The following LARGE1 variants were observed in gnomAD, a reference collection of about 807,000 sequenced individuals.
The protein encoded by LARGE1 is LARGE xylosyl- and glucuronyltransferase 1.
LARGE1 carries 43 observed loss-of-function variants against 87.6 expected under a neutral mutation model. That is an observed-to-expected ratio of 0.49 (90% CI 0.38 to 0.63). LARGE1 has a LOEUF of 0.63. LARGE1 is among the 30% of genes least tolerant of loss of function. The pLI is 0.00. For missense variants in LARGE1, 802 were observed against 1,000.2 expected, an observed-to-expected ratio of 0.80 and a Z score of 2.67; for synonymous variants, 434 against 394.6, an observed-to-expected ratio of 1.10 and a Z score of -1.18.
intron 11 of LARGE1, among the ~76,000 whole-genome samples, chr22:33,169,336 T>C (rs1922437544): frequency 6.6e-6 from 1 of 152,228 alleles, no homozygotes; most frequent in Non-Finnish European, 1.5e-5. Context: ...CTTCTTGTTA[T>C]GGGAAAGTCT....
At chr22:33,458,524 C>T (rs1353312503) in intron 6 of LARGE1, among the ~76,000 whole-genome samples, 2 of 152,054 alleles carry the variant, frequency 1.3e-5, no homozygotes, top group Admixed American at 6.6e-5. Flanking sequence ...CTCCGCTTCC[C>T]GGGTTCAAGC....
At chr22:33,586,218 A>G (rs1004003468) in intron 5 of LARGE1, among the ~76,000 whole-genome samples, 1 of 152,152 alleles carries the variant, frequency 6.6e-6, no homozygotes. Context: ...CGTGTTCCCA[A>G]AAGACACCTC....
chr22:33,793,823 C>T (rs1441071462), intron 1 of LARGE1, among the ~76,000 whole-genome samples: 1 of 151,806 alleles, frequency 6.6e-6, no homozygotes, highest in East Asian at 1.9e-4. Context: ...CCTCTTATTG[C>T]CTCTCTGTCA....
At chr22:33,779,796 T>A (rs970630298) in intron 1 of LARGE1, among the ~76,000 whole-genome samples, 2 of 97,266 alleles carry the variant, frequency 2.1e-5, no homozygotes, top group African/African-American at 5.4e-5. Flanking sequence ...TCAAAAAAAT[T>A]AAAAAAAAAT....
At chr22:33,624,068 G>C (rs141059393) in intron 4 of LARGE1, among the ~76,000 whole-genome samples, 236 of 152,202 alleles carry the variant, frequency 1.6e-3, no homozygotes, top group African/African-American at 5.3e-3. Context: ...AAGGCAAAAC[G>C]AACTGCTGAC....
intron 6 of LARGE1, among the ~76,000 whole-genome samples, chr22:33,460,794 T>A (rs969888965): frequency 6.6e-6 from 1 of 152,102 alleles, no homozygotes; most frequent in Non-Finnish European, 1.5e-5. Flanking sequence ...CTTTGATGGG[T>A]AAAGAAGTAA....
At chr22:33,225,038 G>A (rs1415064307) in intron 11 of LARGE1, among the ~76,000 whole-genome samples, 1 of 152,220 alleles carries the variant, frequency 6.6e-6, no homozygotes, top group Non-Finnish European at 1.5e-5. Flanking sequence ...ACATTTTCTG[G>A]ATGAAGGTTC....
intron 11 of LARGE1, among the ~76,000 whole-genome samples, chr22:33,213,346 T>C (rs1925051977): frequency 6.6e-6 from 1 of 152,186 alleles, no homozygotes; most frequent in African/African-American, 2.4e-5. Flanking sequence ...AACGAGGTAT[T>C]TAGAATATTA....
rs76881238 is a variant in LARGE1, at chr22:33,213,744, A to G, written c.1731-46912T>C. The stretch of plus-strand genomic sequence containing the variant: ...TATAATGCAATTGCAAACTAAACAG[A>G]CTGCAGTATACTGTAAACATTACTT... On this transcript the variant is annotated intron_variant, in intron 11 of 11. Transcript: ENST00000608642. Among the ~76,000 whole-genome samples, 1,257 of 152,354 alleles carry G rather than the reference A, an allele frequency of 8.3e-3. 7 individuals are homozygous for G. Among genetic ancestry groups the G allele is most frequent in the Middle Eastern group, 0.017 (5 of 294 alleles).
chr22:33,708,820 C>T (rs139480722), intron 2 of LARGE1, among the ~76,000 whole-genome samples: 6 of 152,242 alleles, frequency 3.9e-5, no homozygotes, highest in South Asian at 4.2e-4. Context: ...AGGCTGGTCT[C>T]GAACTCCTGA....
chr22:33,630,841 A>C (rs7292210), intron 3 of LARGE1, among the ~76,000 whole-genome samples: 2 of 150,654 alleles, frequency 1.3e-5, no homozygotes, highest in East Asian at 1.9e-4. Flanking sequence ...CAAATTTAAA[A>C]TTTTTTTTAA....
chr22:33,237,437 GA>G (rs34109679), intron 11 of LARGE1, among the ~76,000 whole-genome samples: 20 of 148,096 alleles, frequency 1.4e-4, no homozygotes, highest in Non-Finnish European at 2.7e-4. Context: ...ACTTTACTAG[GA>G]AAAAAAAGAA....
rs143232925 is a variant in LARGE1 at position 33,286,393 on chromosome 22, T to C, written c.1731-3045A>G. ...GGATATATGGATCTAAAGAATATACTTGGACCAAGACAGCAAAGCCCTTGG... is the reference window on the plus strand; with the variant it reads ...GGATATATGGATCTAAAGAATATACCTGGACCAAGACAGCAAAGCCCTTGG... On this transcript the variant is annotated intron_variant, in intron 12 of 14. Transcript: ENST00000397394. Among the ~76,000 whole-genome samples, 14 of 152,230 alleles carry C rather than the reference T, an allele frequency of 9.2e-5. 1 individual carries two copies. In the East Asian group the frequency reaches 1.2e-3, roughly 13 times the overall value.
At chr22:33,295,805 A>G (rs1030917919) in intron 12 of LARGE1, among the ~76,000 whole-genome samples, 1 of 152,168 alleles carries the variant, frequency 6.6e-6, no homozygotes, top group Non-Finnish European at 1.5e-5. Flanking sequence ...CACATAATAC[A>G]TGAGGTCAGA....
intron 6 of LARGE1, among the ~76,000 whole-genome samples, chr22:33,477,281 T>C (rs2069120669): frequency 6.6e-6 from 1 of 152,148 alleles, no homozygotes. Context: ...AACGGGTCCC[T>C]TCCAAGAAAG....
intron 6 of LARGE1, among the ~76,000 whole-genome samples, chr22:33,549,494 C>T (rs963806261): frequency 6.6e-6 from 1 of 152,052 alleles, no homozygotes. Context: ...CTGGTTAATT[C>T]GATCACACTT....
At chr22:33,851,682 G>A (rs575348755) in intron 1 of LARGE1, among the ~76,000 whole-genome samples, 2 of 152,364 alleles carry the variant, frequency 1.3e-5, no homozygotes, top group South Asian at 4.1e-4. Flanking sequence ...ATCTCAGCAA[G>A]AGGATGTCAG....
intron 6 of LARGE1, among the ~76,000 whole-genome samples, chr22:33,496,677 T>C (rs2070137375): frequency 6.6e-6 from 1 of 152,236 alleles, no homozygotes; most frequent in African/African-American, 2.4e-5. Flanking sequence ...TTCCGGCCAA[T>C]GAACTACGCT....
At chr22:33,434,349 G>A (rs1349473401) in intron 6 of LARGE1, among the ~76,000 whole-genome samples, 3 of 152,206 alleles carry the variant, frequency 2.0e-5, no homozygotes, top group East Asian at 1.9e-4. Context: ...TTGCCAGGCT[G>A]GAGTGCAGTG....
Sources: gnomAD v4.1 joint callset for allele counts (sites outside exome capture counted in the v4.1 genomes callset) on GRCh38, gnomAD v4.1.1 for gene constraint, MANE v1.5 for transcripts, NCBI Gene and HGNC (gene_info 2026-07-23, HGNC 2026-07-21) for gene names.